PRPF18: variants seen among roughly 807,000 people sequenced by gnomAD.
PRPF18 encodes pre-mRNA-splicing factor 18.
In PRPF18, 38 loss-of-function variants were observed where a neutral mutation model predicts 46.5. The ratio of observed to expected loss-of-function variants is 0.82; its 90% confidence interval spans 0.63 to 1.07. PRPF18 has a LOEUF of 1.07. Among genes scored for constraint, PRPF18 ranks in the 50% least tolerant of loss-of-function variants. The pLI is 0.00. For synonymous variants in PRPF18, 152 were observed against 146.7 expected, an observed-to-expected ratio of 1.04 and a Z score of -0.26; for missense variants, 263 against 410.0, an observed-to-expected ratio of 0.64 and a Z score of 3.10.
rs747813051 is a variant in PRPF18, at chr10:13,595,712, C to T, written c.67-1746C>T. Among the ~76,000 whole-genome samples, 7 of 152,176 alleles carry T rather than the reference C, an allele frequency of 4.6e-5. No homozygotes were observed. The East Asian group carries it at 5.8e-4, about 13-fold the overall frequency. Reference sequence around the variant, plus strand: ...AGTTTTGATGTTCAGATGATACCATCGGTTCCTTACCCCAGATAACATCTT... The same window carrying T: ...AGTTTTGATGTTCAGATGATACCATTGGTTCCTTACCCCAGATAACATCTT... On this transcript the variant is annotated intron_variant, in intron 1 of 9. Transcript: ENST00000378572.
intron 8 of PRPF18, among the ~76,000 whole-genome samples, chr10:13,615,799 G>T (rs984115487): frequency 1.6e-4 from 25 of 152,212 alleles, no homozygotes; most frequent in African/African-American, 5.1e-4. Context: ...GCAGGTAGGG[G>T]GTGGGGTGGG....
chr10:13,611,680 G>A lies in PRPF18; in HGVS notation c.576G>A (p.Leu192=), dbSNP rs1488102284. Residue 192 remains leucine (L), a synonymous_variant, in exon 6 of 10, where the codon CTG becomes CTA. Transcript: ENST00000378572. The part of the protein sequence containing the change: ...HKDMDIITKF[L]KFLLGVWAKE... ...ACATGGACATCATCACCAAATTCCT[G>A]AAGGTGCGTGTCTTAGGCGAGGGGA... 4.3e-6 allele frequency: 7 copies of A among 1,613,392 alleles called. No homozygotes were observed. Among genetic ancestry groups the A allele is most frequent in the Non-Finnish European group, 5.9e-6 (7 of 1,179,410 alleles).
In PRPF18 at chr10:13,613,731, C is replaced by T. The variant is rs116008294; in HGVS notation, c.580-10C>T. ...GCATTGTAGTCTAAGTTTACCCATC[C>T]TTTCAACAGTTTCTTCTTGGCGTTT... On this transcript the variant is annotated splice_polypyrimidine_tract_variant and intron_variant, in intron 6 of 9. Transcript: ENST00000378572. The T allele has an allele frequency of 2.1e-4, 334 of 1,609,792 alleles. 1 individual carries two copies. The African/African-American group carries it at 4.2e-3, about 20-fold the overall frequency.
Position 13,630,409 on chromosome 10 carries a change from C to A in PRPF18, c.*69C>A. 4 of 1,268,920 alleles carry A rather than the reference C, an allele frequency of 3.2e-6. No individual in the cohort carries two copies. The highest frequency in any genetic ancestry group is 1.3e-5 in the South Asian group (1 of 74,920). 78.6% of individuals were successfully genotyped at this position (1,268,920 alleles called of 1,614,324 possible). The stretch of plus-strand genomic sequence containing the variant: ...GCAGGCTGTGGACTTCTGGAATTAC[C>A]AACAGGAATGAGGAAAGAAGAAAAC... On this transcript the variant is annotated 3_prime_UTR_variant, in exon 10 of 10. Transcript: ENST00000378572.
chr10:13,630,064 C>T (rs2080573234), intron 9 of PRPF18, among the ~76,000 whole-genome samples, 196 bp from the exon 10 acceptor site: 1 of 152,154 alleles, frequency 6.6e-6, no homozygotes, highest in African/African-American at 2.4e-5. Context: ...TTATTGTGAA[C>T]AGTTCTGTGA....
At chr10:13,633,010 A>T (rs891264602), downstream of PRPF18, among the ~76,000 whole-genome samples, 3 of 152,192 alleles carry the variant, frequency 2.0e-5, no homozygotes, top group Non-Finnish European at 2.9e-5. Context: ...TGCATTTCCT[A>T]GGAGTGTCAT....
intron 3 of PRPF18, 110 bp from the exon 4 acceptor site, chr10:13,605,521 G>C (rs1425246322): frequency 8.7e-6 from 10 of 1,146,050 alleles, no homozygotes; most frequent in Non-Finnish European, 1.1e-5. Context: ...GGCGGAGCTT[G>C]CAGTGAGCCG....
Position 13,613,873 on chromosome 10 carries a change from C to T in PRPF18, c.712C>T (p.Arg238Trp), listed in dbSNP as rs371267905. ...CCTAAGACCACTTTTTAGAAAGCTA[C>T]GGAAAAGGGTGAGGTTTCTTGGAAA... ...SYLRPLFRKL[R>W]KRNLPADIKE... Residue 238 changes from arginine (R) to tryptophan (W), a missense_variant, in exon 7 of 10, where the codon CGG becomes TGG. By Grantham distance (101) the Arg-to-Trp change is moderately radical. Transcript: ENST00000378572. 10 of 1,606,000 alleles carry T rather than the reference C, an allele frequency of 6.2e-6. No individual in the cohort carries two copies. Among genetic ancestry groups the T allele is most frequent in the Non-Finnish European group, 7.6e-6 (9 of 1,178,090 alleles).
At chr10:13,609,098 G>C (rs2080234227) in intron 4 of PRPF18, among the ~76,000 whole-genome samples, 1 of 152,214 alleles carries the variant, frequency 6.6e-6, no homozygotes, top group African/African-American at 2.4e-5. Flanking sequence ...ACAATGATCA[G>C]ATGCTTTTTG....
At chr10:13,596,373 T>TG (rs1014673395) in intron 1 of PRPF18, among the ~76,000 whole-genome samples, 1 of 152,220 alleles carries the variant, frequency 6.6e-6, no homozygotes, top group African/African-American at 2.4e-5. Context: ...GCTTGATCAT[T>TG]GGGTTCAAAT....
chr10:13,607,085 T>C (rs2080198171), intron 4 of PRPF18, among the ~76,000 whole-genome samples: 1 of 152,154 alleles, frequency 6.6e-6, no homozygotes, highest in Admixed American at 6.5e-5. Flanking sequence ...TTAAAGTCTT[T>C]CTTTCCTTAT....
At position 13,594,516 on chromosome 10, in the gene PRPF18, C is replaced by A. The variant is rs11258460; in HGVS notation, c.67-2942C>A. On this transcript the variant is annotated intron_variant, in intron 1 of 9. Transcript: ENST00000378572. ...AACTTTTCATACATTAAAGCCTGTT[C>A]TATTTTGCTCTTTGAATGGATCTTT... is the stretch of plus-strand genomic sequence containing the variant. Among the ~76,000 whole-genome samples the A allele has an allele frequency of 3.9e-5, 6 of 152,294 alleles. No homozygotes were observed. The East Asian group carries it at 1.2e-3, about 29-fold the overall frequency.
At chr10:13,614,235 A>G (rs960465577) in intron 8 of PRPF18, 149 bp downstream of exon 8, 1 of 632,094 alleles carries the variant, frequency 1.6e-6, no homozygotes, top group South Asian at 3.0e-5. Context: ...TTTATTTTCT[A>G]TTGTATTTGC....
chr10:13,603,241 G>A (rs1261518444), intron 3 of PRPF18, among the ~76,000 whole-genome samples: 3 of 152,042 alleles, frequency 2.0e-5, no homozygotes, highest in Non-Finnish European at 2.9e-5. Context: ...AGGACTCAGA[G>A]GCTTAAGTTC....
intron 2 of PRPF18, 28 bp from the exon 3 acceptor site, chr10:13,600,216 A>C (rs770855042): frequency 6.6e-7 from 1 of 1,509,502 alleles, no homozygotes; most frequent in Admixed American, 2.0e-5. Flanking sequence ...TTAAAGCTGA[A>C]TTTCATTTCT....
chr10:13,627,859 C>A (rs1406083150), intron 9 of PRPF18, among the ~76,000 whole-genome samples: 1 of 152,194 alleles, frequency 6.6e-6, no homozygotes, highest in East Asian at 1.9e-4. Flanking sequence ...ATCAGTTTGC[C>A]TTCCGCTTGC....
chr10:13,616,686 A>G, intron 9 of PRPF18, 133 bp downstream of exon 9: 1 of 1,149,242 alleles, frequency 8.7e-7, no homozygotes, highest in Non-Finnish European at 1.2e-6. Context: ...TCCCCTCTGG[A>G]TAAGCACTGA....
rs1186271637 is a variant in PRPF18, at chr10:13,630,824, T to C, written c.*484T>C. 2 of 152,196 alleles carry C rather than the reference T, an allele frequency of 1.3e-5. No homozygotes were observed. Among genetic ancestry groups the C allele is most frequent in the African/African-American group, 4.8e-5 (2 of 41,446 alleles). 9.4% of individuals were successfully genotyped at this position (152,196 alleles called of 1,614,324 possible). On this transcript the variant is annotated 3_prime_UTR_variant, in exon 10 of 10. Coordinates refer to ENST00000378572, the MANE Select transcript of PRPF18 (RefSeq NM_003675.4). ...ATAGTCCTTAAATGTTGCTGAACTT[T>C]TGCTGTCTTGCAATAGAATTTGAAT...
chr10:13,620,329 T>A (rs975403093), intron 9 of PRPF18, among the ~76,000 whole-genome samples: 1 of 152,340 alleles, frequency 6.6e-6, no homozygotes, highest in South Asian at 2.1e-4. Flanking sequence ...AGTAAATGTA[T>A]GAACGAACCC....
Sources: gnomAD v4.1 joint callset for allele counts (sites outside exome capture counted in the v4.1 genomes callset) on GRCh38, gnomAD v4.1.1 for gene constraint, MANE v1.5 for transcripts, NCBI Gene and HGNC (gene_info 2026-07-23, HGNC 2026-07-21) for gene names.